The following NFIA variants were observed in gnomAD, a reference collection of about 807,000 sequenced individuals.
The protein encoded by NFIA is nuclear factor I A.
In NFIA, 8 loss-of-function variants were observed where a neutral mutation model predicts 62.8. The ratio of observed to expected loss-of-function variants is 0.13; its 90% CI spans 0.07 to 0.23. NFIA has a LOEUF of 0.23. NFIA is among the 10% of genes least tolerant of loss of function. The probability of loss-of-function intolerance (pLI) is 1.00; values close to 1 mark genes in which losing one functional copy is unlikely to be tolerated. For missense variants in NFIA, 410 were observed against 642.1 expected, an observed-to-expected ratio of 0.64 and a Z score of 3.91; for synonymous variants, 235 against 238.1, an observed-to-expected ratio of 0.99 and a Z score of 0.12.
At chr1:61,275,413 C>T (rs553766178) in intron 2 of NFIA, among the ~76,000 whole-genome samples, 32 of 152,218 alleles carry the variant, frequency 2.1e-4, no homozygotes, top group Non-Finnish European at 4.0e-4. Flanking sequence ...TAGGGTCTTT[C>T]CTGATCCCTT....
intron 2 of NFIA, among the ~76,000 whole-genome samples, chr1:61,106,979 C>T (rs935978697): frequency 6.6e-6 from 1 of 151,336 alleles, no homozygotes; most frequent in Admixed American, 6.6e-5. Context: ...TACATATACA[C>T]ACACACTTCT....
chr1:61,166,403 C>T (rs984400107), intron 2 of NFIA, among the ~76,000 whole-genome samples: 5 of 152,140 alleles, frequency 3.3e-5, no homozygotes, highest in Non-Finnish European at 5.9e-5. Flanking sequence ...GAACCCAGCT[C>T]CGTCTGTGTT....
chr1:61,278,109 A>G (rs768575627), intron 3 of NFIA, among the ~76,000 whole-genome samples: 22 of 152,184 alleles, frequency 1.4e-4, no homozygotes, highest in Non-Finnish European at 2.8e-4. Context: ...TCTAAAATAA[A>G]ATAGTGAGGA....
chr1:61,260,007 C>T (rs1656659725), intron 2 of NFIA, among the ~76,000 whole-genome samples: 1 of 152,074 alleles, frequency 6.6e-6, no homozygotes, highest in Admixed American at 6.5e-5. Flanking sequence ...TGTGTTGCAG[C>T]TTTGTTTTTA....
In NFIA at chr1:61,458,482, A is replaced by G. The variant is rs1392647028; in HGVS notation, c.*3162A>G. The G allele has an allele frequency of 6.6e-6, 1 of 152,178 alleles. No individual in the cohort carries two copies. The highest frequency in any genetic ancestry group is 1.5e-5 in the Non-Finnish European group (1 of 68,012). The allele number at this position is 152,178 out of a possible 1,614,324, so 9.4% of individuals were successfully genotyped here. ...AGATATGTAATTTGTATTGTTGTAT[A>G]GTTTTATTGATTACACTGATTTATT... On this transcript the variant is annotated 3_prime_UTR_variant, in exon 11 of 11. Coordinates refer to ENST00000403491, the MANE Select transcript of NFIA (RefSeq NM_001134673.4).
chr1:61,154,080 CT>C (rs1361722962), intron 2 of NFIA, among the ~76,000 whole-genome samples: 2 of 152,216 alleles, frequency 1.3e-5, no homozygotes, highest in Non-Finnish European at 2.9e-5. Context: ...ATTTTTTACA[CT>C]TTAACTCAGA....
chr1:61,375,470 A>G (rs189621866), intron 6 of NFIA, among the ~76,000 whole-genome samples: 191 of 152,350 alleles, frequency 1.3e-3, no homozygotes, highest in Non-Finnish European at 1.9e-3. Flanking sequence ...TTCAAGTGTC[A>G]TTAATAGTTC....
intron 1 of NFIA, 121 bp downstream of exon 1, chr1:61,082,939 T>A: frequency 1.4e-6 from 1 of 726,144 alleles, no homozygotes; most frequent in Non-Finnish European, 1.8e-6. Context: ...TCTCGGTGTG[T>A]GTCTGTGTCT....
chr1:61,417,846 G>A (rs1258088023), intron 9 of NFIA, among the ~76,000 whole-genome samples: 1 of 152,066 alleles, frequency 6.6e-6, no homozygotes, highest in Non-Finnish European at 1.5e-5. Flanking sequence ...CCTCTCCATA[G>A]GGATCACCCT....
intron 6 of NFIA, among the ~76,000 whole-genome samples, chr1:61,379,524 C>T (rs374282216): frequency 6.6e-6 from 1 of 150,998 alleles, no homozygotes; most frequent in South Asian, 2.1e-4. Flanking sequence ...CCTCCTGCCT[C>T]CACGTCCTGA....
In NFIA at chr1:61,406,543, G is replaced by GCGC; in HGVS notation, c.1255-18_1255-17insGCC. ...TCTTTTTCTTGTACGTGTGTTTTCT[G>GCGC]CCCCCCCCCCCCCCACAGCCCAATG... On this transcript the variant is annotated intron_variant, in intron 8 of 10. Coordinates refer to ENST00000403491, the MANE Select transcript of NFIA (RefSeq NM_001134673.4). 1.1e-6 allele frequency: 1 copy of GCGC among 876,654 alleles called. No individual in the cohort carries two copies. Among genetic ancestry groups the GCGC allele is most frequent in the Non-Finnish European group, 1.5e-6 (1 of 653,744 alleles). 54.3% of individuals were successfully genotyped at this position (876,654 alleles called of 1,614,324 possible).
chr1:61,383,404 C>T, intron 7 of NFIA, 39 bp downstream of exon 7: 1 of 1,610,498 alleles, frequency 6.2e-7, no homozygotes, highest in Non-Finnish European at 8.5e-7. Context: ...GTGCTTATAT[C>T]ATGGCCTTTG....
chr1:61,402,136 C>T (rs1037083453), intron 7 of NFIA, among the ~76,000 whole-genome samples: 3 of 142,766 alleles, frequency 2.1e-5, no homozygotes, highest in Admixed American at 1.5e-4. Context: ...CTCCCAGGTT[C>T]ATGCCATTCT....
At chr1:61,174,302 G>T (rs1650176552) in intron 2 of NFIA, among the ~76,000 whole-genome samples, 2 of 152,218 alleles carry the variant, frequency 1.3e-5, no homozygotes, top group Admixed American at 6.5e-5. Context: ...CAAAGCTGTT[G>T]TGGAGGCTTT....
At position 61,334,429 on chromosome 1, in the gene NFIA, CT is replaced by C. The variant is rs1294753095; in HGVS notation, c.700+1853del. ...CAAATAACAGTGCATCTGTATATATCTTTTTTTTTTAACTTCTTAGGACTTT... is the reference window on the plus strand; with the variant it reads ...CAAATAACAGTGCATCTGTATATATCTTTTTTTTTAACTTCTTAGGACTTT... On this transcript the variant is annotated intron_variant, in intron 4 of 10. Transcript: ENST00000403491. 6.6e-3 allele frequency among the ~76,000 whole-genome samples: 957 copies of C among 145,968 alleles called. 8 individuals are homozygous for C. Among genetic ancestry groups the C allele is most frequent in the African/African-American group, 0.02 (779 of 39,760 alleles).
chr1:61,176,911 T>C (rs1356010645), intron 2 of NFIA, among the ~76,000 whole-genome samples: 1 of 152,112 alleles, frequency 6.6e-6, no homozygotes, highest in Non-Finnish European at 1.5e-5. Context: ...GAGACCATCC[T>C]GGCTAACACA....
chr1:61,144,473 T>C (rs1277069420), intron 2 of NFIA, among the ~76,000 whole-genome samples: 1 of 152,182 alleles, frequency 6.6e-6, no homozygotes. Context: ...TTGGCAAAGC[T>C]CAGATGCTGG....
At chr1:61,248,762 C>T (rs1655816405) in intron 2 of NFIA, among the ~76,000 whole-genome samples, 1 of 152,126 alleles carries the variant, frequency 6.6e-6, no homozygotes, top group Non-Finnish European at 1.5e-5. Context: ...ATAACTAAAA[C>T]TAAATAACTA....
intron 2 of NFIA, among the ~76,000 whole-genome samples, chr1:61,252,543 A>G (rs1437988628): frequency 2.0e-5 from 3 of 152,258 alleles, no homozygotes; most frequent in Admixed American, 1.3e-4. Flanking sequence ...ACAGAAGATG[A>G]GAGAAGGTTG....
Sources: allele counts gnomAD v4.1 joint callset (sites outside exome capture counted in the v4.1 genomes callset), GRCh38; gene constraint gnomAD v4.1.1; transcripts MANE v1.5; gene names NCBI Gene and HGNC (gene_info 2026-07-23, HGNC 2026-07-21).